Variants in LMO3 observed in about 807,000 individuals in gnomAD.
LMO3 encodes the protein LIM domain only protein 3.
In LMO3, 2 loss-of-function variants were observed where a neutral mutation model predicts 15.8. That is an observed-to-expected ratio of 0.13 (90% CI 0.05 to 0.40). LMO3 has a LOEUF of 0.40. Among genes scored for constraint, LMO3 ranks in the 10% least tolerant of loss-of-function variants. The pLI, the probability that LMO3 is intolerant of heterozygous loss-of-function variation, is 0.99. For missense variants in LMO3, 86 were observed against 182.2 expected, an observed-to-expected ratio of 0.47 and a Z score of 3.04; for synonymous variants, 62 against 63.8, an observed-to-expected ratio of 0.97 and a Z score of 0.13.
chr12:16,584,065 G>A lies in LMO3; in HGVS notation c.206+16590C>T, dbSNP rs1157180112. Among the ~76,000 whole-genome samples, 1 of 152,172 alleles carries A rather than the reference G, an allele frequency of 6.6e-6. No homozygotes were observed. The highest frequency in any genetic ancestry group is 2.4e-5 in the African/African-American group (1 of 41,442). ...CAGGCTGATGTTCAGTAGGGTCAAG[G>A]AGGCTCAACAAGTTAGGGCTTGGTT... On this transcript the variant is annotated intron_variant, in intron 2 of 3. Coordinates refer to ENST00000537304, the MANE Select transcript of LMO3 (RefSeq NM_018640.5). The surrounding 1 kb of genome is among the most constrained non-coding windows in gnomAD (Gnocchi z 5.2).
Position 16,582,736 on chromosome 12 carries a change from G to C in LMO3, c.206+17919C>G, listed in dbSNP as rs1943198808. Among the ~76,000 whole-genome samples, 3 of 152,084 alleles carry C rather than the reference G, an allele frequency of 2.0e-5. No individual in the cohort carries two copies. Among genetic ancestry groups the C allele is most frequent in the Admixed American group, 2.0e-4 (3 of 15,266 alleles). ...CTCACTCTTTTAAGTATCTGATTGG[G>C]ATGAGACGCCCAGAAAAGAATCAGA... On this transcript the variant is annotated intron_variant, in intron 2 of 3. Coordinates refer to ENST00000537304, the MANE Select transcript of LMO3 (RefSeq NM_018640.5). The surrounding 1 kb of genome is among the most constrained non-coding windows in gnomAD (Gnocchi z 4.1).
At chr12:16,590,792 A>T (rs1009131978) in intron 2 of LMO3, among the ~76,000 whole-genome samples, 4 of 152,062 alleles carry the variant, frequency 2.6e-5, no homozygotes, top group Non-Finnish European at 4.4e-5. Flanking sequence ...TAGATGCATC[A>T]CTTTAAAATC....
rs1189439626 is a variant in LMO3, at chr12:16,560,940, C to T, written c.207-402G>A. ...AAGGAACCAACTAATGAATGATTCACTACTTTTTGACATTTAGTTACTAAA... is the reference window on the plus strand; with the variant it reads ...AAGGAACCAACTAATGAATGATTCATTACTTTTTGACATTTAGTTACTAAA... On this transcript the variant is annotated intron_variant, in intron 2 of 3. Transcript: ENST00000537304. The surrounding 1 kb of genome is among the most constrained non-coding windows in gnomAD (Gnocchi z 5.0). 2.6e-5 allele frequency among the ~76,000 whole-genome samples: 4 copies of T among 152,100 alleles called. No homozygotes were observed.
intron 3 of LMO3, among the ~76,000 whole-genome samples, chr12:16,552,176 A>T (rs370057494): frequency 2.6e-5 from 4 of 152,044 alleles, no homozygotes; most frequent in East Asian, 3.9e-4. Context: ...GTCAGAAATA[A>T]ATGTTTTTTC....
chr12:16,558,998 G>A (rs1942294271), intron 3 of LMO3, among the ~76,000 whole-genome samples: 1 of 152,218 alleles, frequency 6.6e-6, no homozygotes, highest in South Asian at 2.1e-4. Context: ...ATATATGGTG[G>A]TGCTGAAATT....
chr12:16,573,823 AG>A (rs899243029), intron 2 of LMO3: 5 of 152,284 alleles, frequency 3.3e-5, no homozygotes, highest in Admixed American at 2.6e-4. Context: ...TACCACGTTA[AG>A]TGTCGAAATC....
chr12:16,566,083 C>A (rs1336231130), intron 2 of LMO3, among the ~76,000 whole-genome samples: 53 of 134,482 alleles, frequency 3.9e-4, no homozygotes, highest in African/African-American at 1.4e-3. Context: ...GAAATCCTGT[C>A]ATTTGTGACC....
chr12:16,569,594 T>TTTCCCTTAAC (rs1942738416), intron 2 of LMO3, among the ~76,000 whole-genome samples: 1 of 152,216 alleles, frequency 6.6e-6, no homozygotes, highest in African/African-American at 2.4e-5. Context: ...ATAGAATGTT[T>TTTCCCTTAAC]TTCCCTTAAC....
upstream of LMO3, chr12:16,606,707 C>G (rs1366393421): frequency 2.6e-5 from 4 of 152,088 alleles, no homozygotes; most frequent in East Asian, 5.8e-4. Context: ...AATTTACAAG[C>G]CTGCGAGTGC....
chr12:16,553,915 G>A (rs1942086290), intron 3 of LMO3, among the ~76,000 whole-genome samples: 1 of 150,210 alleles, frequency 6.7e-6, no homozygotes, highest in Middle Eastern at 3.2e-3. Context: ...AGAGGATACT[G>A]TAAGTATATT....
chr12:16,554,302 C>A (rs1225733177), intron 3 of LMO3, among the ~76,000 whole-genome samples: 1 of 152,150 alleles, frequency 6.6e-6, no homozygotes, highest in Non-Finnish European at 1.5e-5. Flanking sequence ...TTAGCCTAGC[C>A]ATCTTCTTTC....
At chr12:16,553,977 TA>T (rs1942089844) in intron 3 of LMO3, among the ~76,000 whole-genome samples, 1 of 152,146 alleles carries the variant, frequency 6.6e-6, no homozygotes, top group Non-Finnish European at 1.5e-5. Context: ...AATCTGACCC[TA>T]ATTACTTGTA....
Position 16,606,109 on chromosome 12 carries a change from A to C in LMO3, c.-52T>G, listed in dbSNP as rs886605668. On this transcript the variant is annotated 5_prime_UTR_variant, in exon 1 of 4. Coordinates refer to ENST00000537304, the MANE Select transcript of LMO3 (RefSeq NM_018640.5). ...CAGGGGGAGGCCGTTCAGTAAGCAC[A>C]GTGGCTGCTTTGTAGCGCTTCTCCT... 6.9e-6 allele frequency: 2 copies of C among 288,322 alleles called. No individual in the cohort carries two copies. The highest frequency in any genetic ancestry group is 4.5e-5 in the African/African-American group (2 of 44,176). The allele number at this position is 288,322 out of a possible 1,614,324, so 17.9% of individuals were successfully genotyped here.
intron 3 of LMO3, among the ~76,000 whole-genome samples, chr12:16,557,386 A>T (rs1375295168): frequency 5.5e-5 from 6 of 108,690 alleles, no homozygotes; most frequent in South Asian, 5.7e-4. Flanking sequence ...TTTTTTTTTT[A>T]AACGTAATTC....
At chr12:16,570,575 C>T (rs1942781396) in intron 2 of LMO3, among the ~76,000 whole-genome samples, 1 of 152,034 alleles carries the variant, frequency 6.6e-6, no homozygotes, top group South Asian at 2.1e-4. Context: ...TCAAATAAGC[C>T]ATTTAATGTT....
Position 16,560,786 on chromosome 12 carries a change from G to A in LMO3, c.207-248C>T, listed in dbSNP as rs183333370. 7.8e-5 allele frequency: 40 copies of A among 514,962 alleles called. No homozygotes were observed. The highest frequency in any genetic ancestry group is 3.1e-4 in the Middle Eastern group (1 of 3,180). 31.9% of individuals were successfully genotyped at this position (514,962 alleles called of 1,614,324 possible). On this transcript the variant is annotated intron_variant, in intron 2 of 3. Transcript: ENST00000537304. This position sits in a 1 kb window ranked among gnomAD's most constrained non-coding sequence, Gnocchi z 5.0. ...AAGACAAATACATTAGGAAGCTTAC[G>A]TAACTGCACATAAACAGAAGTCAAT...
upstream of LMO3, chr12:16,608,270 C>A (rs540950226): frequency 1.3e-5 from 2 of 151,982 alleles, no homozygotes; most frequent in East Asian, 1.9e-4. The surrounding 1 kb of genome is among the most constrained non-coding windows in gnomAD (Gnocchi z 4.1). Context: ...GAAATAAAAT[C>A]AAAACAAATG....
chr12:16,605,449 G>A (rs939912458), intron 1 of LMO3: 4 of 445,518 alleles, frequency 9.0e-6, no homozygotes, highest in African/African-American at 6.6e-5. Context: ...CCCCCCCCCC[G>A]CCCCCATGCC....
chr12:16,561,840 A>G (rs990173057), intron 2 of LMO3, among the ~76,000 whole-genome samples: 2 of 152,222 alleles, frequency 1.3e-5, no homozygotes, highest in South Asian at 4.1e-4. Flanking sequence ...CTTGAAGAGC[A>G]TAAGCGCCTT....
Sources: allele counts gnomAD v4.1 joint callset (sites outside exome capture counted in the v4.1 genomes callset), GRCh38; gene constraint gnomAD v4.1.1; non-coding constraint Gnocchi (gnomAD v3.1); transcripts MANE v1.5; gene names NCBI Gene and HGNC (gene_info 2026-07-23, HGNC 2026-07-21).